Variants in DCX observed in about 807,000 individuals in gnomAD.
DCX encodes doublecortin, also known as neuronal migration protein doublecortin.
Under a neutral mutation model 20.9 loss-of-function variants are expected in DCX, and 4 were observed. The observed-to-expected ratio is 0.19, with a 90% CI of 0.09 to 0.44. The LOEUF is 0.44. Ranked by LOEUF, DCX falls within the 20% of genes least tolerant of loss-of-function variation. The pLI is 0.99. For synonymous variants in DCX, 103 were observed against 111.4 expected (o/e 0.92, Z 0.47); for missense variants, 133 against 296.9 (o/e 0.45, Z 4.06).
At chrX:111,354,536 GA>G (rs753205004) in intron 3 of DCX, among the ~76,000 whole-genome samples, 1 of 111,892 alleles carries the variant, frequency 8.9e-6, no homozygotes, top group South Asian at 3.8e-4. Flanking sequence ...AACAGCTAGT[GA>G]AAGTCCTGTA....
At chrX:111,315,373 T>A (rs376314613) in intron 5 of DCX, among the ~76,000 whole-genome samples, 1 of 47,115 alleles carries the variant, frequency 2.1e-5, no homozygotes, top group Non-Finnish European at 3.7e-5. Context: ...TCAAAACCAC[T>A]ATGAGATATC....
intron 3 of DCX, among the ~76,000 whole-genome samples, chrX:111,336,279 G>C (rs780076564): frequency 8.9e-6 from 1 of 112,175 alleles, no homozygotes; most frequent in East Asian, 2.8e-4. Flanking sequence ...CCACACCCAG[G>C]CTTTGGGAAA....
chrX:111,302,215 A>T lies in DCX; in HGVS notation c.1045-472T>A, dbSNP rs756379078. Among the ~76,000 whole-genome samples the T allele has an allele frequency of 2.7e-5, 3 of 111,973 alleles. No individual in the cohort carries two copies. The East Asian group carries it at 8.4e-4, about 32-fold the overall frequency. On this transcript the variant is annotated intron_variant, in intron 6 of 6. Coordinates refer to ENST00000636035, the MANE Select transcript of DCX (RefSeq NM_001195553.2). ...ATATGAATGAAACCATACAGTATAT[A>T]ACCATTTGGGATTGGCCATTTTCAT...
chrX:111,345,018 A>T (rs1056476686), intron 3 of DCX, among the ~76,000 whole-genome samples: 3 of 112,305 alleles, frequency 2.7e-5, no homozygotes, highest in African/African-American at 9.7e-5. Flanking sequence ...TAACCAAAAC[A>T]GCACGTTACT....
intron 2 of DCX, 84 bp downstream of exon 2, chrX:111,409,951 T>C: frequency 8.6e-7 from 1 of 1,160,003 alleles, no homozygotes. Flanking sequence ...CATTGCCTAA[T>C]TTTTTTTCAA....
In DCX at chrX:111,301,810, T is replaced by C. The variant is rs2095034884; in HGVS notation, c.1045-67A>G. Reference sequence around the variant, plus strand: ...ATATCTTGAGCTCTGGAATGTCTGCTTTAGTTTTTTTTATTAATACTTTAA... The same window carrying C: ...ATATCTTGAGCTCTGGAATGTCTGCCTTAGTTTTTTTTATTAATACTTTAA... On this transcript the variant is annotated intron_variant, in intron 6 of 6. Coordinates refer to ENST00000636035, the MANE Select transcript of DCX (RefSeq NM_001195553.2). 6 of 971,187 alleles carry C rather than the reference T, an allele frequency of 6.2e-6. No individual in the cohort carries two copies. The Admixed American group carries it at 1.4e-4, about 23-fold the overall frequency. The allele number at this position is 971,187 out of a possible 1,213,427, so 80.0% of individuals were successfully genotyped here. A position where few individuals can be genotyped will look rare whatever the true frequency, so the allele number is the denominator to read the frequency against.
chrX:111,314,689 T>G (rs1027696927), intron 5 of DCX, among the ~76,000 whole-genome samples: 3 of 111,504 alleles, frequency 2.7e-5, no homozygotes, highest in Non-Finnish European at 3.8e-5. Flanking sequence ...AATTAGTAAA[T>G]TATATGTTAT....
intron 2 of DCX, among the ~76,000 whole-genome samples, chrX:111,405,771 T>G (rs1224108785): frequency 5.4e-5 from 6 of 111,570 alleles, no homozygotes; most frequent in Non-Finnish European, 9.4e-5. Flanking sequence ...ATTGACCTCC[T>G]TGGGATACAG....
intron 3 of DCX, among the ~76,000 whole-genome samples, chrX:111,333,493 G>A (rs1056675596): frequency 1.2e-4 from 13 of 111,427 alleles, no homozygotes; most frequent in African/African-American, 3.9e-4. Context: ...CCTCAAAGAC[G>A]GGAAGCTCCT....
chrX:111,409,608 G>A (rs185082037), intron 2 of DCX, among the ~76,000 whole-genome samples: 8 of 111,710 alleles, frequency 7.2e-5, no homozygotes, highest in African/African-American at 2.6e-4. Flanking sequence ...TTTCCAATGA[G>A]TTGCAATTCA....
At chrX:111,361,880 G>GGATTAGCAAT (rs1478142002) in intron 3 of DCX, among the ~76,000 whole-genome samples, 1 of 111,431 alleles carries the variant, frequency 9.0e-6, no homozygotes, top group African/African-American at 3.3e-5. Context: ...CTGAGTTATG[G>GGATTAGCAAT]GATTAGCAAT....
chrX:111,351,855 G>C (rs759569177), intron 3 of DCX, among the ~76,000 whole-genome samples: 1 of 112,009 alleles, frequency 8.9e-6, no homozygotes, highest in South Asian at 3.8e-4. Flanking sequence ...CTCCTGTGTA[G>C]CTGGGACTAC....
chrX:111,333,786 G>A (rs192174798), intron 3 of DCX, among the ~76,000 whole-genome samples: 2 of 111,714 alleles, frequency 1.8e-5, no homozygotes, highest in East Asian at 2.8e-4. Flanking sequence ...TCTACTGGTA[G>A]AGCCATGTTC....
chrX:111,363,757 GA>G (rs1389870135), intron 3 of DCX, among the ~76,000 whole-genome samples: 2 of 111,479 alleles, frequency 1.8e-5, no homozygotes, highest in Non-Finnish European at 3.8e-5. Context: ...CCAAGGTGGG[GA>G]AAAACTAGTT....
chrX:111,319,043 A>C (rs1307036404), intron 5 of DCX, among the ~76,000 whole-genome samples: 1 of 112,606 alleles, frequency 8.9e-6, no homozygotes, highest in Non-Finnish European at 1.9e-5. Flanking sequence ...TAATGGCTCA[A>C]GCACAGGGTG....
chrX:111,319,838 T>C (rs369187809), intron 5 of DCX, among the ~76,000 whole-genome samples: 17 of 112,430 alleles, frequency 1.5e-4, no homozygotes, highest in African/African-American at 5.2e-4. Context: ...GATTGCTATA[T>C]ACTTTACAGA....
intron 3 of DCX, among the ~76,000 whole-genome samples, chrX:111,364,919 CTG>C (rs765548149): frequency 3.1e-4 from 34 of 109,329 alleles, no homozygotes; most frequent in Non-Finnish European, 5.7e-4. Context: ...GGGTCTCACT[CTG>C]TTGCCCAGGC....
At chrX:111,407,219 G>A (rs1436122292) in intron 2 of DCX, among the ~76,000 whole-genome samples, 1 of 111,503 alleles carries the variant, frequency 9.0e-6, no homozygotes, top group African/African-American at 3.3e-5. Context: ...GTTTCCTCAA[G>A]GTCTTACAGG....
intron 3 of DCX, among the ~76,000 whole-genome samples, chrX:111,364,734 A>G (rs1051608694): frequency 8.9e-6 from 1 of 112,047 alleles, no homozygotes; most frequent in African/African-American, 3.2e-5. Flanking sequence ...GATAGTTTAT[A>G]TTTTGTATGA....
Sources: allele counts gnomAD v4.1 joint callset (sites outside exome capture counted in the v4.1 genomes callset), GRCh38; gene constraint gnomAD v4.1.1; transcripts MANE v1.5; gene names NCBI Gene and HGNC (gene_info 2026-07-23, HGNC 2026-07-21).